Variants in MDGA2 observed in about 807,000 individuals in gnomAD.
MDGA2 encodes MAM domain-containing glycosylphosphatidylinositol anchor protein 2.
A neutral mutation model predicts 117.8 loss-of-function variants in MDGA2; 40 were observed. The ratio of observed to expected loss-of-function variants is 0.34; its 90% confidence interval spans 0.26 to 0.44. MDGA2 has a LOEUF of 0.44. MDGA2 is among the 20% of genes least tolerant of loss of function. MDGA2 has a pLI of 1.00. For synonymous variants in MDGA2, 452 were observed against 439.0 expected (o/e 1.03, Z -0.37); for missense variants, 1,123 against 1,250.6 (o/e 0.90, Z 1.54).
At chr14:47,520,568 T>C (rs1894848795) in intron 1 of MDGA2, among the ~76,000 whole-genome samples, 1 of 152,222 alleles carries the variant, frequency 6.6e-6, no homozygotes, top group Non-Finnish European at 1.5e-5. Context: ...CATTTTTTTC[T>C]ATGACACATC....
intron 2 of MDGA2, among the ~76,000 whole-genome samples, chr14:47,230,764 T>A (rs1886662126): frequency 6.6e-6 from 1 of 151,932 alleles, no homozygotes; most frequent in Non-Finnish European, 1.5e-5. Context: ...TTGAAAGCTA[T>A]CAATAAGATA....
At chr14:47,132,938 C>T (rs1882274999) in intron 4 of MDGA2, among the ~76,000 whole-genome samples, 1 of 151,728 alleles carries the variant, frequency 6.6e-6, no homozygotes, top group Non-Finnish European at 1.5e-5. Flanking sequence ...TACATAAAAA[C>T]ACTGCTGTTC....
intron 5 of MDGA2, among the ~76,000 whole-genome samples, chr14:47,106,804 T>G (rs1880720518): frequency 7.0e-6 from 1 of 143,808 alleles, no homozygotes; most frequent in Non-Finnish European, 1.6e-5. Context: ...AGGGCCCGTT[T>G]CCCTTGCTTC....
intron 15 of MDGA2, among the ~76,000 whole-genome samples, chr14:46,849,802 C>T (rs1239837815): frequency 6.6e-6 from 1 of 151,490 alleles, no homozygotes; most frequent in Non-Finnish European, 1.5e-5. Context: ...CATTTATTTC[C>T]ATCATTATTT....
At chr14:47,260,180 T>C (rs912542337) in intron 2 of MDGA2, among the ~76,000 whole-genome samples, 1 of 151,902 alleles carries the variant, frequency 6.6e-6, no homozygotes, top group Admixed American at 6.6e-5. Flanking sequence ...CTGGAGAAAA[T>C]GGGTACAAAG....
At chr14:47,011,328 C>T (rs980798367) in intron 8 of MDGA2, among the ~76,000 whole-genome samples, 1 of 151,864 alleles carries the variant, frequency 6.6e-6, no homozygotes. Context: ...ATGTACATAC[C>T]ATTCATCACA....
At chr14:47,420,017 G>A (rs1310028924) in intron 1 of MDGA2, among the ~76,000 whole-genome samples, 2 of 152,074 alleles carry the variant, frequency 1.3e-5, no homozygotes, top group Non-Finnish European at 2.9e-5. Context: ...TAATTAAAAC[G>A]ATTGTCAACT....
intron 2 of MDGA2, among the ~76,000 whole-genome samples, chr14:47,276,441 A>G (rs1457392614): frequency 1.3e-5 from 2 of 152,214 alleles, no homozygotes; most frequent in Non-Finnish European, 2.9e-5. Flanking sequence ...GCAATAATAG[A>G]TTAATATATT....
At chr14:47,280,343 A>AAAAAG (rs1555369475) in intron 2 of MDGA2, among the ~76,000 whole-genome samples, 76 of 137,234 alleles carry the variant, frequency 5.5e-4, no homozygotes, top group Non-Finnish European at 9.1e-4. Flanking sequence ...AAAAAAAAAA[A>AAAAAG]AGAGAGATTG....
chr14:47,399,072 A>T (rs1044216633), intron 1 of MDGA2, among the ~76,000 whole-genome samples: 2 of 152,164 alleles, frequency 1.3e-5, no homozygotes, highest in African/African-American at 4.8e-5. Context: ...TCTAGAAGTT[A>T]TTTCCTCTCC....
chr14:47,319,560 C>T (rs1889915993), intron 1 of MDGA2, among the ~76,000 whole-genome samples: 1 of 152,138 alleles, frequency 6.6e-6, no homozygotes, highest in African/African-American at 2.4e-5. Context: ...TTAATCTCTT[C>T]AGGCTCATCT....
chr14:47,605,147 A>G lies in MDGA2; in HGVS notation c.280+69370T>C, dbSNP rs541185449. On this transcript the variant is annotated intron_variant, in intron 1 of 16. Transcript: ENST00000399232. ...CAATGCTACAGACATTTGTCTAGTC[A>G]TAAGAGTTCCCTTAGGTTTATTTAT... is the stretch of plus-strand genomic sequence containing the variant. 6.9e-4 allele frequency among the ~76,000 whole-genome samples: 105 copies of G among 152,144 alleles called. 1 individual carries two copies. Among genetic ancestry groups the G allele is most frequent in the Non-Finnish European group, 1.3e-3 (91 of 68,020 alleles).
intron 3 of MDGA2, among the ~76,000 whole-genome samples, chr14:47,189,419 A>G (rs1217298846): frequency 1.3e-5 from 2 of 152,158 alleles, no homozygotes; most frequent in East Asian, 1.9e-4. Context: ...CACGGAATAT[A>G]GTAGGTTTAA....
chr14:47,618,870 C>T (rs568807422), intron 1 of MDGA2, among the ~76,000 whole-genome samples: 16 of 152,206 alleles, frequency 1.1e-4, no homozygotes, highest in African/African-American at 3.6e-4. Context: ...TCCAAATTTT[C>T]TCTTCAAAGC....
At chr14:46,901,847 G>A (rs1160767824) in intron 10 of MDGA2, among the ~76,000 whole-genome samples, 1 of 152,190 alleles carries the variant, frequency 6.6e-6, no homozygotes, top group African/African-American at 2.4e-5. Context: ...TTAACTGAGA[G>A]CTATGTCCAA....
intron 1 of MDGA2, among the ~76,000 whole-genome samples, chr14:47,360,106 C>G (rs1374292214): frequency 6.6e-6 from 1 of 151,828 alleles, no homozygotes; most frequent in Non-Finnish European, 1.5e-5. Flanking sequence ...AATCCCAGCA[C>G]TTTGGGAGGC....
At chr14:47,520,062 C>A (rs1465742091) in intron 1 of MDGA2, among the ~76,000 whole-genome samples, 1 of 152,184 alleles carries the variant, frequency 6.6e-6, no homozygotes, top group East Asian at 1.9e-4. Flanking sequence ...CATGTCTATA[C>A]ACCTGGCTTA....
intron 1 of MDGA2, among the ~76,000 whole-genome samples, chr14:47,439,965 C>A (rs1892972932): frequency 6.6e-6 from 1 of 151,796 alleles, no homozygotes; most frequent in Non-Finnish European, 1.5e-5. Context: ...TTTGTAAATT[C>A]TTTACAGAAA....
chr14:47,085,398 C>A (rs1367520184), intron 6 of MDGA2, among the ~76,000 whole-genome samples: 2 of 152,034 alleles, frequency 1.3e-5, no homozygotes, highest in Non-Finnish European at 2.9e-5. Context: ...ATTTGAATAA[C>A]CTCTAGTAAA....
Sources: allele counts gnomAD v4.1 joint callset (sites outside exome capture counted in the v4.1 genomes callset), GRCh38; gene constraint gnomAD v4.1.1; transcripts MANE v1.5; gene names NCBI Gene and HGNC (gene_info 2026-07-23, HGNC 2026-07-21).